TLE1: variants seen among roughly 807,000 people sequenced by gnomAD.
TLE1 encodes transducin-like enhancer protein 1.
In TLE1, 21 loss-of-function variants were observed where a neutral mutation model predicts 89.8. The observed-to-expected ratio is 0.23, with a 90% CI of 0.17 to 0.34. TLE1 has a LOEUF of 0.34. TLE1 is among the 10% of genes least tolerant of loss of function. The pLI, the probability that TLE1 is intolerant of heterozygous loss-of-function variation, is 1.00. For missense variants in TLE1, 795 were observed against 1,031.2 expected, an observed-to-expected ratio of 0.77 and a Z score of 3.14; for synonymous variants, 447 against 407.6, an observed-to-expected ratio of 1.10 and a Z score of -1.16.
At chr9:81,680,503 A>G (rs191877987) in intron 4 of TLE1, among the ~76,000 whole-genome samples, 3 of 152,302 alleles carry the variant, frequency 2.0e-5, no homozygotes, top group Admixed American at 2.0e-4. Context: ...CATGATAACT[A>G]TGTTTTGTGA....
At chr9:81,586,481 A>G (rs190577457) in intron 17 of TLE1, among the ~76,000 whole-genome samples, 1 of 152,330 alleles carries the variant, frequency 6.6e-6, no homozygotes, top group East Asian at 1.9e-4. Flanking sequence ...AGATACATCT[A>G]AACATTGAAA....
In TLE1 at chr9:81,584,263, C is replaced by G; in HGVS notation, c.2248G>C (p.Asp750His). Reference sequence around the variant, plus strand: ...GAGCCAGTGACTATGTACTTATCATCCACAGAGATGTCACAGCTAAGCACT... The same window carrying G: ...GAGCCAGTGACTATGTACTTATCATGCACAGAGATGTCACAGCTAAGCACT... ...SSVLSCDISVDDKYIVTGSGD... is the reference protein window; with the variant it reads ...SSVLSCDISVHDKYIVTGSGD... The change falls in exon 20 of 20, where the codon GAT (aspartate) becomes CAT (histidine). Residue 750 changes from aspartate to histidine, a missense_variant. Around this residue, in one of 4 missense-constraint regions of TLE1, gnomAD observed 214 missense variants for 354.9 expected, o/e 0.60. Transcript: ENST00000376499. The G allele has an allele frequency of 6.2e-7, 1 of 1,614,170 alleles. No individual in the cohort carries two copies. Among genetic ancestry groups the G allele is most frequent in the African/African-American group, 1.3e-5 (1 of 75,044 alleles).
At chr9:81,654,485 C>A (rs527260521) in intron 4 of TLE1, among the ~76,000 whole-genome samples, 13 of 152,130 alleles carry the variant, frequency 8.5e-5, no homozygotes, top group Non-Finnish European at 1.8e-4. Context: ...GGACTACAGG[C>A]GCCCGCCACC....
At chr9:81,663,714 C>T (rs1317933875) in intron 4 of TLE1, among the ~76,000 whole-genome samples, 1 of 151,672 alleles carries the variant, frequency 6.6e-6, no homozygotes, top group Non-Finnish European at 1.5e-5. Context: ...GCTCTGCCTC[C>T]CGGGTTCACG....
chr9:81,614,144 G>A (rs1443031232), intron 11 of TLE1, among the ~76,000 whole-genome samples: 6 of 151,862 alleles, frequency 4.0e-5, no homozygotes, highest in Non-Finnish European at 4.4e-5. Flanking sequence ...TCCTGACCTC[G>A]TGATCCACCC....
intron 4 of TLE1, among the ~76,000 whole-genome samples, chr9:81,663,134 T>C (rs891184248): frequency 1.1e-4 from 16 of 152,064 alleles, no homozygotes; most frequent in African/African-American, 2.2e-4. Context: ...GCACAAGCCA[T>C]TGCACCTGAC....
chr9:81,649,879 C>CA (rs2132592577), intron 6 of TLE1, among the ~76,000 whole-genome samples: 1 of 152,220 alleles, frequency 6.6e-6, no homozygotes, highest in East Asian at 1.9e-4. Flanking sequence ...TCCTTTCAGG[C>CA]AAAAATCAAG....
chr9:81,620,274 T>A (rs1462558596), intron 9 of TLE1, among the ~76,000 whole-genome samples, 167 bp downstream of exon 9: 1 of 152,148 alleles, frequency 6.6e-6, no homozygotes, highest in African/African-American at 2.4e-5. Context: ...GGCAGAAGCA[T>A]AATTTACAGC....
intron 6 of TLE1, among the ~76,000 whole-genome samples, chr9:81,647,751 AG>A (rs1829033381): frequency 6.6e-6 from 1 of 152,168 alleles, no homozygotes; most frequent in South Asian, 2.1e-4. Flanking sequence ...GAGGTCATAA[AG>A]CTAATAGATG....
At chr9:81,594,399 G>A (rs143929053) in intron 14 of TLE1, among the ~76,000 whole-genome samples, 20 of 152,248 alleles carry the variant, frequency 1.3e-4, no homozygotes, top group African/African-American at 4.6e-4. Flanking sequence ...GGATGAAACT[G>A]GAAACCATCA....
At chr9:81,687,192 AC>A (rs1834400481) in intron 2 of TLE1, 141 bp downstream of exon 2, 1 of 619,462 alleles carries the variant, frequency 1.6e-6, no homozygotes, top group African/African-American at 1.8e-5. Context: ...AAAGGGGGTA[AC>A]TTGAATGACA....
chr9:81,637,563 G>T (rs1827548844), intron 6 of TLE1, among the ~76,000 whole-genome samples: 1 of 151,684 alleles, frequency 6.6e-6, no homozygotes, highest in African/African-American at 2.4e-5. Context: ...GACCTTCTAG[G>T]TCCCCTGAAC....
chr9:81,584,093 GTGTT>G lies in TLE1; in HGVS notation c.*101_*104del. The G allele has an allele frequency of 1.0e-6, 1 of 978,810 alleles. No homozygotes were observed. The highest frequency in any genetic ancestry group is 1.6e-6 in the Non-Finnish European group (1 of 637,270). 60.6% of individuals were successfully genotyped at this position (978,810 alleles called of 1,614,324 possible). On this transcript the variant is annotated 3_prime_UTR_variant, in exon 20 of 20. Transcript: ENST00000376499. ...GTTTTCTGTCAAGGTTTGGAAACAG[GTGTT>G]TGTAATTTTTTTTCTCTTTTAAAGT...
chr9:81,584,371 C>T (rs1346172911), intron 19 of TLE1, 66 bp from the exon 20 acceptor site: 8 of 1,608,500 alleles, frequency 5.0e-6, no homozygotes, highest in East Asian at 2.2e-5. Flanking sequence ...CCTGCTCCCT[C>T]GGAGGCACCT....
intron 13 of TLE1, among the ~76,000 whole-genome samples, chr9:81,611,236 C>T (rs1823667969): frequency 1.3e-5 from 2 of 152,114 alleles, no homozygotes; most frequent in Admixed American, 6.5e-5. Flanking sequence ...AGCCTGCCCC[C>T]GTGGTTCAGT....
chr9:81,604,086 A>T (rs561283159), intron 14 of TLE1, among the ~76,000 whole-genome samples: 1 of 151,860 alleles, frequency 6.6e-6, no homozygotes, highest in East Asian at 1.9e-4. Flanking sequence ...CCTTGTGAAG[A>T]CTCCCATGTA....
chr9:81,596,614 T>A (rs1397174238), intron 14 of TLE1, among the ~76,000 whole-genome samples: 1 of 152,160 alleles, frequency 6.6e-6, no homozygotes, highest in Non-Finnish European at 1.5e-5. Context: ...GAGGAATGTA[T>A]AAACAGATAG....
chr9:81,632,107 T>A (rs961737382), intron 8 of TLE1, among the ~76,000 whole-genome samples: 8 of 144,838 alleles, frequency 5.5e-5, no homozygotes, highest in Admixed American at 1.4e-4. Flanking sequence ...AAAAAGACTA[T>A]CTATAGGAAC....
chr9:81,652,104 G>C (rs1389531633), intron 6 of TLE1, 110 bp downstream of exon 6: 4 of 587,710 alleles, frequency 6.8e-6, no homozygotes, highest in Admixed American at 4.4e-5. Flanking sequence ...TCAACGTTAA[G>C]ATACACACAC....
Sources: gnomAD v4.1 joint callset for allele counts (sites outside exome capture counted in the v4.1 genomes callset) on GRCh38, gnomAD v4.1.1 for gene constraint, gnomAD v4.1.1 regional missense constraint, MANE v1.5 for transcripts, NCBI Gene and HGNC (gene_info 2026-07-23, HGNC 2026-07-21) for gene names.